Variants in ZBTB25 observed in about 807,000 individuals in gnomAD.
ZBTB25 encodes zinc finger and BTB domain containing 25.
In ZBTB25, 20 loss-of-function variants were observed where a neutral mutation model predicts 34.2. The observed-to-expected ratio is 0.58, with a 90% CI of 0.41 to 0.85. ZBTB25 has a LOEUF of 0.85. ZBTB25 is among the 40% of genes least tolerant of loss of function. The pLI is 0.00. For synonymous variants in ZBTB25, 175 were observed against 186.4 expected (o/e 0.94, Z 0.50); for missense variants, 437 against 521.8 (o/e 0.84, Z 1.58).
At chr14:64,490,799 T>C (rs1157121254) in intron 1 of ZBTB25, among the ~76,000 whole-genome samples, 1 of 152,194 alleles carries the variant, frequency 6.6e-6, no homozygotes, top group Non-Finnish European at 1.5e-5. Context: ...AGAAGATAGC[T>C]TGGTATGAGT....
At chr14:64,451,525 A>G (rs1206553875) in intron 2 of ZBTB25, among the ~76,000 whole-genome samples, 1 of 152,252 alleles carries the variant, frequency 6.6e-6, no homozygotes, top group Non-Finnish European at 1.5e-5. Context: ...AAATCTGTTC[A>G]GCAATCATCC....
In ZBTB25 at chr14:64,453,610, C is replaced by G. The variant is rs186600835; in HGVS notation, c.174-3972G>C. On this transcript the variant is annotated intron_variant, in intron 2 of 2. Coordinates refer to the ZBTB25 transcript ENST00000555220. ...AAGTGTTCTTAACCCAATCATCAAC[C>G]TCAAACTATTTGCTTATGTATATGT... 2.7e-3 allele frequency: 1,830 copies of G among 676,156 alleles called. 10 individuals carry two copies. Among genetic ancestry groups the G allele is most frequent in the Non-Finnish European group, 3.3e-3 (1,217 of 363,666 alleles). 41.9% of individuals were successfully genotyped at this position (676,156 alleles called of 1,614,324 possible). A position where few individuals can be genotyped will look rare whatever the true frequency, so the allele number is the denominator to read the frequency against.
chr14:64,454,611 G>T (rs1381162895), intron 2 of ZBTB25: 2 of 836,144 alleles, frequency 2.4e-6, no homozygotes, highest in Admixed American at 1.9e-5. Context: ...TATATAAAGG[G>T]AGTTGGATGT....
intron 1 of ZBTB25, among the ~76,000 whole-genome samples, chr14:64,496,356 G>GCA: frequency 6.6e-6 from 1 of 151,654 alleles, no homozygotes; most frequent in East Asian, 2.0e-4. Flanking sequence ...ACAGTGGCGT[G>GCA]TGCCTGTAAT....
intron 2 of ZBTB25, among the ~76,000 whole-genome samples, chr14:64,450,125 T>A (rs2140983218): frequency 6.6e-6 from 1 of 152,282 alleles, no homozygotes; most frequent in South Asian, 2.1e-4. Context: ...CACTGCTTAC[T>A]TACAGAGGGG....
intron 2 of ZBTB25, chr14:64,469,260 C>A (rs758672434): frequency 2.5e-6 from 4 of 1,613,454 alleles, no homozygotes; most frequent in Non-Finnish European, 3.4e-6. Context: ...GAAAGTGCAC[C>A]AAATGGAAAA....
chr14:64,505,178 C>T (rs1002713608), upstream of ZBTB25: 2 of 330,082 alleles, frequency 6.1e-6, no homozygotes, highest in Non-Finnish European at 5.5e-6. Flanking sequence ...GGCGAAGCCC[C>T]TACGGAGACT....
Position 64,468,658 on chromosome 14 carries a change from C to G in ZBTB25, c.174-19020G>C, listed in dbSNP as rs781706034. 8 of 1,613,938 alleles carry G rather than the reference C, an allele frequency of 5.0e-6. No homozygotes were observed. The Admixed American group carries it at 1.0e-4, about 20-fold the overall frequency. ...CCTCACTCAAACGTCTTGTAACACG[C>G]AGGAAAAGGTCAGAGTCTTCAAAGC... On this transcript the variant is annotated intron_variant, in intron 2 of 2. Transcript: ENST00000555220.
intron 2 of ZBTB25, chr14:64,468,556 A>G: frequency 6.2e-7 from 1 of 1,614,094 alleles, no homozygotes; most frequent in South Asian, 1.1e-5. Flanking sequence ...CTGGCTCTGA[A>G]GCTGCTGATG....
At chr14:64,453,696 G>A (rs2078416758) in intron 2 of ZBTB25, 1 of 1,057,234 alleles carries the variant, frequency 9.5e-7, no homozygotes, top group East Asian at 2.5e-5. Flanking sequence ...CTATGTCCTG[G>A]TTAAATGTCC....
rs557851653 is a variant in ZBTB25, at chr14:64,500,886, A to T, written c.-8+2775T>A. Among the ~76,000 whole-genome samples the T allele has an allele frequency of 3.1e-4, 47 of 152,320 alleles. No individual in the cohort carries two copies. In the South Asian group the frequency reaches 9.5e-3, roughly 31 times the overall value. On this transcript the variant is annotated intron_variant, in intron 1 of 2. Transcript: ENST00000608382. ...GCCAACATGGCGAAACCCTGTCTCTACTAAAAATACAAAAATTAGCCAGGT... is the reference window on the plus strand; with the variant it reads ...GCCAACATGGCGAAACCCTGTCTCTTCTAAAAATACAAAAATTAGCCAGGT...
chr14:64,504,854 G>A (rs1256198536), upstream of ZBTB25: 1 of 396,778 alleles, frequency 2.5e-6, no homozygotes, highest in Admixed American at 4.4e-5. Flanking sequence ...CGCCACTGCA[G>A]CTCGCGGCCC....
upstream of ZBTB25, chr14:64,503,899 G>A (rs573121818): frequency 1.6e-3 from 238 of 152,314 alleles, 1 homozygote; most frequent in South Asian, 6.0e-3. Flanking sequence ...CCTCCCGCCC[G>A]CCCGCCTCAG....
intron 1 of ZBTB25, among the ~76,000 whole-genome samples, chr14:64,492,991 C>T (rs1166341894): frequency 6.6e-6 from 1 of 151,644 alleles, no homozygotes; most frequent in Non-Finnish European, 1.5e-5. Context: ...TAAACACAGG[C>T]AACTTGATGG....
At chr14:64,498,711 G>A (rs914095487) in intron 1 of ZBTB25, among the ~76,000 whole-genome samples, 3 of 151,992 alleles carry the variant, frequency 2.0e-5, no homozygotes, top group Non-Finnish European at 4.4e-5. Flanking sequence ...TCGGCTCACT[G>A]CAAGCTCCGC....
chr14:64,503,468 C>A, intron 1 of ZBTB25, 193 bp downstream of exon 1: 1 of 985,426 alleles, frequency 1.0e-6, no homozygotes. Context: ...GTATTGTCGG[C>A]CCAGCGCTCA....
At chr14:64,469,153 A>G in intron 2 of ZBTB25, 1 of 1,614,180 alleles carries the variant, frequency 6.2e-7, no homozygotes, top group East Asian at 2.2e-5. Flanking sequence ...TTGAAACTTC[A>G]GAAACAGACC....
intron 1 of ZBTB25, chr14:64,503,152 C>A: frequency 1.0e-6 from 1 of 985,506 alleles, no homozygotes; most frequent in Non-Finnish European, 1.2e-6. Flanking sequence ...ACCGGATATG[C>A]TTAGAACAAG....
intron 1 of ZBTB25, among the ~76,000 whole-genome samples, chr14:64,494,464 C>T (rs1173992788): frequency 6.6e-6 from 1 of 152,110 alleles, no homozygotes; most frequent in African/African-American, 2.4e-5. Flanking sequence ...GAGACCCCGT[C>T]TCTACTCAAA....
Sources: allele counts gnomAD v4.1 joint callset (sites outside exome capture counted in the v4.1 genomes callset), GRCh38; gene constraint gnomAD v4.1.1; transcripts MANE v1.5; gene names NCBI Gene and HGNC (gene_info 2026-07-23, HGNC 2026-07-21).